MCTP1: variants seen among roughly 807,000 people sequenced by gnomAD.
The protein encoded by MCTP1 is multiple C2 and transmembrane domain containing 1.
A neutral mutation model predicts 120.6 loss-of-function variants in MCTP1; 69 were observed. The ratio of observed to expected loss-of-function variants is 0.57; its 90% CI spans 0.47 to 0.70. MCTP1 has a LOEUF of 0.70. Ranked by LOEUF, MCTP1 falls within the 30% of genes least tolerant of loss-of-function variation. The pLI, the probability that MCTP1 is intolerant of heterozygous loss-of-function variation, is 0.00. For missense variants in MCTP1, 1,203 were observed against 1,248.8 expected, an observed-to-expected ratio of 0.96 and a Z score of 0.55; for synonymous variants, 529 against 493.1, an observed-to-expected ratio of 1.07 and a Z score of -0.96.
intron 8 of MCTP1, among the ~76,000 whole-genome samples, chr5:94,914,856 G>A (rs545746750): frequency 9.9e-5 from 15 of 152,214 alleles, no homozygotes; most frequent in East Asian, 7.7e-4. Flanking sequence ...TTATGCCCAA[G>A]GTCTTTGTTT....
At chr5:94,913,009 G>A in intron 8 of MCTP1, 33 bp from the exon 9 acceptor site, 3 of 1,568,030 alleles carry the variant, frequency 1.9e-6, no homozygotes, top group African/African-American at 1.4e-5. Flanking sequence ...TTAGGTTACT[G>A]TGTTTTAAAC....
chr5:95,094,160 G>A (rs528196682), intron 1 of MCTP1, among the ~76,000 whole-genome samples: 1 of 152,288 alleles, frequency 6.6e-6, no homozygotes, highest in East Asian at 1.9e-4. Context: ...ACTAAGCTTT[G>A]GATAATACGT....
chr5:94,874,490 A>T (rs1798400640), intron 12 of MCTP1, among the ~76,000 whole-genome samples: 1 of 152,168 alleles, frequency 6.6e-6, no homozygotes, highest in Admixed American at 6.5e-5. Flanking sequence ...GTGTTAGTTC[A>T]GTGGCCTTAT....
intron 19 of MCTP1, among the ~76,000 whole-genome samples, chr5:94,716,432 GC>G (rs777654409): frequency 1.4e-4 from 21 of 150,622 alleles, no homozygotes; most frequent in Non-Finnish European, 2.4e-4. Context: ...ATACAATTGT[GC>G]ACGTTAGAGT....
At chr5:94,864,961 A>T (rs531979072) in intron 17 of MCTP1, among the ~76,000 whole-genome samples, 2 of 152,068 alleles carry the variant, frequency 1.3e-5, no homozygotes, top group South Asian at 4.1e-4. Flanking sequence ...AGACATTTCC[A>T]TGTCTACAAT....
At chr5:94,896,115 T>C (rs548792339) in intron 10 of MCTP1, among the ~76,000 whole-genome samples, 3 of 152,130 alleles carry the variant, frequency 2.0e-5, no homozygotes, top group Non-Finnish European at 2.9e-5. Flanking sequence ...ACATCCCTTA[T>C]CTCATATTTA....
chr5:94,914,365 T>A (rs1809537087), intron 8 of MCTP1, among the ~76,000 whole-genome samples: 1 of 152,218 alleles, frequency 6.6e-6, no homozygotes, highest in African/African-American at 2.4e-5. Context: ...TGCCTCCCAC[T>A]TTGACTTCCT....
Position 95,040,694 on chromosome 5 carries a change from T to G in MCTP1, c.721-23210A>C, listed in dbSNP as rs77039617. Among the ~76,000 whole-genome samples, 1,421 of 152,190 alleles carry G rather than the reference T, an allele frequency of 9.3e-3. 20 individuals are homozygous for G. The highest frequency in any genetic ancestry group is 0.032 in the African/African-American group (1,346 of 41,506). On this transcript the variant is annotated intron_variant, in intron 1 of 22. Transcript: ENST00000515393. ...GTTGTGAGGAAGCTGACTTGCCCCC[T>G]AGCTCGAGGGGTGGAAAACAGCACA...
At chr5:94,708,768 A>C (rs1470469256) in intron 21 of MCTP1, 159 bp from the exon 22 acceptor site, 1 of 552,712 alleles carries the variant, frequency 1.8e-6, no homozygotes. Flanking sequence ...TTCCAGCTCA[A>C]CTGCTTTTTT....
At chr5:95,112,095 T>C (rs1422488150) in intron 1 of MCTP1, among the ~76,000 whole-genome samples, 1 of 152,210 alleles carries the variant, frequency 6.6e-6, no homozygotes, top group African/African-American at 2.4e-5. Flanking sequence ...TGGACTCCCA[T>C]GTGTAATGCC....
intron 7 of MCTP1, among the ~76,000 whole-genome samples, chr5:94,920,242 A>G (rs469687): frequency 6.6e-6 from 1 of 151,212 alleles, no homozygotes; most frequent in African/African-American, 2.4e-5. Context: ...GGAAAGGAAC[A>G]ATAGTCTTGG....
chr5:95,271,690 T>C (rs927143139), intron 1 of MCTP1, among the ~76,000 whole-genome samples: 2 of 152,024 alleles, frequency 1.3e-5, no homozygotes, highest in Non-Finnish European at 2.9e-5. Flanking sequence ...AGAATGATTA[T>C]TCTACTGAAG....
chr5:95,259,394 T>C (rs1025088537), intron 1 of MCTP1, among the ~76,000 whole-genome samples: 6 of 152,138 alleles, frequency 3.9e-5, no homozygotes, highest in Admixed American at 1.3e-4. Context: ...ACAGTATATA[T>C]TGGGAAACTG....
intron 2 of MCTP1, among the ~76,000 whole-genome samples, chr5:94,961,093 T>G (rs1394333709): frequency 3.3e-5 from 5 of 152,026 alleles, no homozygotes; most frequent in African/African-American, 1.2e-4. Context: ...TATGCAGTCA[T>G]AAAAAAGAAT....
At chr5:95,194,526 G>T (rs1440554508) in intron 1 of MCTP1, among the ~76,000 whole-genome samples, 1 of 152,190 alleles carries the variant, frequency 6.6e-6, no homozygotes, top group African/African-American at 2.4e-5. Flanking sequence ...TCACCTCACT[G>T]ACTCTCCACC....
At chr5:94,999,237 CAT>C (rs1833183313) in intron 2 of MCTP1, among the ~76,000 whole-genome samples, 1 of 152,156 alleles carries the variant, frequency 6.6e-6, no homozygotes, top group Non-Finnish European at 1.5e-5. Context: ...CATGAAGGAA[CAT>C]ATCCTTGAGG....
At position 94,999,693 on chromosome 5, in the gene MCTP1, T is replaced by C. The variant is rs527964834; in HGVS notation, c.838+17674A>G. ...GAAGAAATAACACTTTTAAAAGTAA[T>C]ATTACTTAGGTGTGATATGACTCTA... On this transcript the variant is annotated intron_variant, in intron 2 of 22. Coordinates refer to ENST00000515393, the MANE Select transcript of MCTP1 (RefSeq NM_024717.7). 1.2e-4 allele frequency among the ~76,000 whole-genome samples: 18 copies of C among 152,336 alleles called. No individual in the cohort carries two copies. In the South Asian group the frequency reaches 3.7e-3, roughly 32 times the overall value.
intron 3 of MCTP1, among the ~76,000 whole-genome samples, chr5:94,950,918 G>C (rs1210584222): frequency 6.8e-6 from 1 of 148,098 alleles, no homozygotes; most frequent in African/African-American, 2.5e-5. Context: ...CTGCACTCCA[G>C]CCTGGGCGAC....
At chr5:94,809,318 G>C (rs1277803870) in intron 17 of MCTP1, among the ~76,000 whole-genome samples, 2 of 151,950 alleles carry the variant, frequency 1.3e-5, no homozygotes, top group African/African-American at 4.8e-5. Context: ...GAGATGAAAG[G>C]CTCTGGCTTT....
Sources: gnomAD v4.1 joint callset for allele counts (sites outside exome capture counted in the v4.1 genomes callset) on GRCh38, gnomAD v4.1.1 for gene constraint, MANE v1.5 for transcripts, NCBI Gene and HGNC (gene_info 2026-07-23, HGNC 2026-07-21) for gene names.